The following TENM2 variants were observed in gnomAD, a reference collection of about 807,000 sequenced individuals.
TENM2 encodes the protein teneurin transmembrane protein 2.
A neutral mutation model predicts 245.2 loss-of-function variants in TENM2; 52 were observed. The ratio of observed to expected loss-of-function variants is 0.21; its 90% confidence interval spans 0.17 to 0.27. TENM2 has a LOEUF of 0.27. TENM2 is among the 10% of genes least tolerant of loss of function. The probability of loss-of-function intolerance (pLI) is 1.00; values close to 1 mark genes in which losing one functional copy is unlikely to be tolerated. For missense variants in TENM2, 3,046 were observed against 3,666.8 expected (o/e 0.83, Z 4.37); for synonymous variants, 1,363 against 1,438.9 (o/e 0.95, Z 1.19).
chr5:167,882,943 C>T (rs1773994285), intron 3 of TENM2, among the ~76,000 whole-genome samples: 1 of 152,152 alleles, frequency 6.6e-6, no homozygotes, highest in Admixed American at 6.5e-5. Flanking sequence ...TCTCTGTAAG[C>T]TCCTTGCATC....
At chr5:167,421,441 C>T (rs1381103285) in intron 2 of TENM2, among the ~76,000 whole-genome samples, 4 of 152,140 alleles carry the variant, frequency 2.6e-5, no homozygotes, top group South Asian at 2.1e-4. Flanking sequence ...AGACCAGCCT[C>T]GGCATGGGTG....
chr5:168,034,049 GTATA>G (rs1157018201), intron 5 of TENM2, among the ~76,000 whole-genome samples: 1 of 124,072 alleles, frequency 8.1e-6, no homozygotes. Context: ...ATATGTGTGT[GTATA>G]TATATATATA....
chr5:168,165,648 ACCCCCCCC>A (rs34203413), intron 13 of TENM2, among the ~76,000 whole-genome samples: 1 of 30,942 alleles, frequency 3.2e-5, no homozygotes, highest in Admixed American at 5.9e-4. Flanking sequence ...CCCCCCCCCA[ACCCCCCCC>A]CCCCCCCCGG....
chr5:167,861,336 G>T (rs568689364), intron 2 of TENM2, among the ~76,000 whole-genome samples: 1 of 152,316 alleles, frequency 6.6e-6, no homozygotes, highest in South Asian at 2.1e-4. Flanking sequence ...GCGGTGCCGG[G>T]CGTGGAGACC....
At chr5:167,390,513 C>T (rs1013404052) in intron 2 of TENM2, among the ~76,000 whole-genome samples, 3 of 152,110 alleles carry the variant, frequency 2.0e-5, no homozygotes, top group Admixed American at 6.6e-5. Context: ...TAATCATAAA[C>T]ACAGTGGTGG....
the TENM2 span, among the ~76,000 whole-genome samples, chr5:167,228,103 A>T: frequency 6.6e-6 from 1 of 152,228 alleles, no homozygotes; most frequent in South Asian, 2.1e-4. Context: ...ATTTCGGCTA[A>T]CTGCAACCTC....
chr5:168,175,299 G>A (rs1759257525), intron 13 of TENM2, among the ~76,000 whole-genome samples: 1 of 152,140 alleles, frequency 6.6e-6, no homozygotes, highest in Non-Finnish European at 1.5e-5. Flanking sequence ...AACATACACT[G>A]CCTTCCAATC....
At chr5:167,069,669 T>G in the TENM2 span, among the ~76,000 whole-genome samples, 263 of 152,302 alleles carry the variant, frequency 1.7e-3, no homozygotes, top group African/African-American at 6.2e-3. Context: ...TATAGAGAGA[T>G]GTCTAGAAGG....
At chr5:167,383,731 A>T (rs1024462305) in intron 2 of TENM2, among the ~76,000 whole-genome samples, 4 of 61,282 alleles carry the variant, frequency 6.5e-5, no homozygotes, top group African/African-American at 4.9e-4. Context: ...TGCAGGATAA[A>T]AAAAAAAAAA....
intron 2 of TENM2, among the ~76,000 whole-genome samples, chr5:167,840,554 C>T (rs547144315): frequency 5.3e-5 from 8 of 152,210 alleles, no homozygotes; most frequent in Admixed American, 3.9e-4. Context: ...CCCCCAGCCC[C>T]CCACAATGTT....
chr5:167,559,264 G>C (rs538342160), intron 2 of TENM2, among the ~76,000 whole-genome samples: 1 of 152,070 alleles, frequency 6.6e-6, no homozygotes, highest in Non-Finnish European at 1.5e-5. Flanking sequence ...TCATCCCTCC[G>C]TTGTGTCCCC....
intron 5 of TENM2, among the ~76,000 whole-genome samples, chr5:168,027,106 C>T (rs926610211): frequency 6.6e-6 from 1 of 151,854 alleles, no homozygotes; most frequent in African/African-American, 2.4e-5. Flanking sequence ...AAGCTACAGA[C>T]ACACACACAC....
the TENM2 span, among the ~76,000 whole-genome samples, chr5:167,161,110 G>A: frequency 6.6e-6 from 1 of 152,212 alleles, no homozygotes; most frequent in Non-Finnish European, 1.5e-5. Context: ...GTTTGAAGAA[G>A]ATTGAACATA....
chr5:168,207,349 C>T lies in TENM2; in HGVS notation c.3824+2728C>T, dbSNP rs188412506. Among the ~76,000 whole-genome samples the T allele has an allele frequency of 2.6e-5, 4 of 152,264 alleles. No homozygotes were observed. The East Asian group carries it at 7.7e-4, about 29-fold the overall frequency. On this transcript the variant is annotated intron_variant, in intron 19 of 28. Transcript: ENST00000518659. Reference sequence around the variant, plus strand: ...CACGTCTCTCGAGTTGTGGAGGCCACAACGTCAATGGTGCAAGCTAAGGGC... The same window carrying T: ...CACGTCTCTCGAGTTGTGGAGGCCATAACGTCAATGGTGCAAGCTAAGGGC...
rs6885774 is a variant in TENM2, at chr5:168,216,717, G to A, written c.4079-51G>A. On this transcript the variant is annotated intron_variant, in intron 21 of 28. Transcript: ENST00000518659. The stretch of plus-strand genomic sequence containing the variant: ...GCATCTCATCTCCCACCTCCACCCC[G>A]CAATCCTACACCTTTCCAAGAGATA... The A allele has an allele frequency of 0.01, 16,540 of 1,601,582 alleles. 1,268 individuals are homozygous for A. In the African/African-American group the frequency reaches 0.18, roughly 17 times the overall value.
intron 20 of TENM2, 49 bp from the exon 23 acceptor site, chr5:168,214,991 C>T: frequency 6.6e-7 from 1 of 1,517,284 alleles, no homozygotes; most frequent in Non-Finnish European, 9.1e-7. Flanking sequence ...TCTAGGAGGC[C>T]AGCTCCATAG....
chr5:167,277,212 T>C, the TENM2 span, among the ~76,000 whole-genome samples: 1 of 150,100 alleles, frequency 6.7e-6, no homozygotes, highest in Non-Finnish European at 1.5e-5. Flanking sequence ...ATATTATTGA[T>C]TTGAGGCTTT....
chr5:168,184,789 G>C (rs746107876), intron 13 of TENM2, among the ~76,000 whole-genome samples: 1 of 152,162 alleles, frequency 6.6e-6, no homozygotes, highest in Non-Finnish European at 1.5e-5. Context: ...ACTAGTAAGC[G>C]TTTAATGGAG....
chr5:167,815,429 A>G (rs906727950), intron 2 of TENM2, among the ~76,000 whole-genome samples: 7 of 152,164 alleles, frequency 4.6e-5, no homozygotes, highest in Non-Finnish European at 1.0e-4. Flanking sequence ...AAGCACCATT[A>G]TTCTCATCAT....
Sources: gnomAD v4.1 joint callset for allele counts (sites outside exome capture counted in the v4.1 genomes callset) on GRCh38, gnomAD v4.1.1 for gene constraint, MANE v1.5 for transcripts, NCBI Gene and HGNC (gene_info 2026-07-23, HGNC 2026-07-21) for gene names.